ZNF141: variants seen among roughly 807,000 people sequenced by gnomAD.
The protein encoded by ZNF141 is zinc finger protein 141, also known as zinc finger protein 141 (clone pHZ-44).
ZNF141 carries 7 observed loss-of-function variants against 11.3 expected under a neutral mutation model. The observed-to-expected ratio is 0.62, with a 90% CI of 0.35 to 1.16. The LOEUF is 1.16. Among genes scored for constraint, ZNF141 ranks in the 50% most tolerant of loss-of-function variants. ZNF141 has a pLI of 0.02. For synonymous variants in ZNF141, 183 were observed against 190.7 expected, an observed-to-expected ratio of 0.96 and a Z score of 0.33; for missense variants, 535 against 554.0, an observed-to-expected ratio of 0.97 and a Z score of 0.34.
rs537789428 is a variant in ZNF141 at position 370,372 on chromosome 4, A to G, written c.227-2292A>G. 5.3e-5 allele frequency among the ~76,000 whole-genome samples: 8 copies of G among 152,224 alleles called. No individual in the cohort carries two copies. In the South Asian group the frequency reaches 6.2e-4, roughly 12 times the overall value. On this transcript the variant is annotated intron_variant, in intron 3 of 3. Transcript: ENST00000240499. ...TTTTTCTTGCATCCTGTTATTTTCA[A>G]TGGAAGATAGTTCAGCATTTTTTTT...
At chr4:371,871 G>A (rs1404296345) in intron 3 of ZNF141, among the ~76,000 whole-genome samples, 1 of 152,138 alleles carries the variant, frequency 6.6e-6, no homozygotes, top group Non-Finnish European at 1.5e-5. Context: ...TTGTTGGACT[G>A]TGTTGTTCTA....
At chr4:347,853 T>G (rs1259917560) in intron 3 of ZNF141, among the ~76,000 whole-genome samples, 8 of 148,278 alleles carry the variant, frequency 5.4e-5, no homozygotes, top group African/African-American at 1.7e-4. Flanking sequence ...GATATTAACT[T>G]TTTTTTTTTT....
At chr4:351,235 C>G (rs1393018921) in intron 3 of ZNF141, among the ~76,000 whole-genome samples, 16 of 145,848 alleles carry the variant, frequency 1.1e-4, no homozygotes, top group Admixed American at 8.1e-4. Flanking sequence ...GCCAGTTAAA[C>G]CTTTTTTTTT....
rs187869787 is a variant in ZNF141 at position 362,595 on chromosome 4, T to G, written c.227-10069T>G. 6.6e-5 allele frequency among the ~76,000 whole-genome samples: 10 copies of G among 152,378 alleles called. No individual in the cohort carries two copies. The East Asian group carries it at 1.9e-3, about 29-fold the overall frequency. ...GGGATCCAATTTCAGCTTTTACATA[T>G]GGCTAGCCAGTTTTCCCAGCACCAT... On this transcript the variant is annotated intron_variant, in intron 3 of 3. Coordinates refer to ENST00000240499, the MANE Select transcript of ZNF141 (RefSeq NM_003441.4).
At chr4:342,856 G>A in intron 1 of ZNF141, 3 of 1,608,600 alleles carry the variant, frequency 1.9e-6, no homozygotes, top group Middle Eastern at 3.4e-4. Flanking sequence ...CATCCCAACT[G>A]TAGGCTGAGT....
intron 1 of ZNF141, chr4:342,836 T>G: frequency 6.2e-7 from 1 of 1,608,272 alleles, no homozygotes. Flanking sequence ...CCCCGAGGCA[T>G]TTTGAAATTC....
At chr4:338,660 C>A (rs115050279) in intron 1 of ZNF141, 2,502 of 153,014 alleles carry the variant, frequency 0.016, 27 homozygotes, top group Middle Eastern at 0.041. Context: ...GGTGTGGGCC[C>A]CTGGTTTGTA....
chr4:354,485 C>T (rs918856255), intron 3 of ZNF141, among the ~76,000 whole-genome samples: 15 of 152,228 alleles, frequency 9.9e-5, no homozygotes, highest in Admixed American at 4.6e-4. Flanking sequence ...TTTCTTAAAA[C>T]CTTTGATTTA....
At chr4:361,672 C>A (rs1316040358) in intron 3 of ZNF141, among the ~76,000 whole-genome samples, 1 of 152,122 alleles carries the variant, frequency 6.6e-6, no homozygotes, top group African/African-American at 2.4e-5. Flanking sequence ...ATGATGGTTT[C>A]CATCTTCATC....
rs1454341966 is a variant in ZNF141, at chr4:375,274, G to T, written c.*1412G>T. On this transcript the variant is annotated 3_prime_UTR_variant, in exon 4 of 4. Transcript: ENST00000240499. The stretch of plus-strand genomic sequence containing the variant: ...AAACAATACAAATATAAAGAGGGTT[G>T]TAGTACCTGTACTTCTCTCATGGAT... 9 of 152,174 alleles carry T rather than the reference G, an allele frequency of 5.9e-5. No homozygotes were observed. The highest frequency in any genetic ancestry group is 5.9e-4 in the Admixed American group (9 of 15,280). 9.4% of individuals were successfully genotyped at this position (152,174 alleles called of 1,614,324 possible). A position where few individuals can be genotyped will look rare whatever the true frequency, so the allele number is the denominator to read the frequency against.
Position 373,372 on chromosome 4 carries a change from A to C in ZNF141, c.935A>C (p.Lys312Thr). 1.2e-6 allele frequency: 2 copies of C among 1,613,316 alleles called. No homozygotes were observed. Among genetic ancestry groups the C allele is most frequent in the East Asian group, 2.2e-5 (1 of 44,804 alleles). Residue 312 changes from lysine to threonine, a missense_variant, in exon 4 of 4, where the codon AAA becomes ACA. Coordinates refer to ENST00000240499, the MANE Select transcript of ZNF141 (RefSeq NM_003441.4). ...KRIHTGEKPYKCEECGKAFNR... is the reference protein window; with the variant it reads ...KRIHTGEKPYTCEECGKAFNR... Reference sequence around the variant, plus strand: ...ATTCATACTGGAGAGAAACCCTACAAATGTGAAGAATGTGGCAAAGCCTTT... The same window carrying C: ...ATTCATACTGGAGAGAAACCCTACACATGTGAAGAATGTGGCAAAGCCTTT...
chr4:378,538 G>T lies in ZNF141; in HGVS notation c.*4676G>T, dbSNP rs1712471800. 6.6e-6 allele frequency among the ~76,000 whole-genome samples: 1 copy of T among 152,108 alleles called. No homozygotes were observed. Among genetic ancestry groups the T allele is most frequent in the African/African-American group, 2.4e-5 (1 of 41,418 alleles). ...CTGCCTTGGCCTCCTGAAGTACTGG[G>T]ATTACAGGCATGAGCCACCGTGCCT... On this transcript the variant is annotated 3_prime_UTR_variant, in exon 4 of 4. Coordinates refer to ENST00000240499, the MANE Select transcript of ZNF141 (RefSeq NM_003441.4).
In ZNF141 at chr4:372,916, C is replaced by G. The variant is rs1327586018; in HGVS notation, c.479C>G (p.Ser160Ter). ...SVKVVSKFSNSNKRKTRHTGE... is the reference protein window; with the variant it reads ...SVKVVSKFSN ...AAAGTTGTTAGTAAATTTTCAAATT[C>G]AAACAAACGTAAGACAAGACATACT... Residue 160 changes from serine to a stop codon, truncating the protein, a stop_gained, in exon 4 of 4, where the codon TCA becomes TGA. Coordinates refer to ENST00000240499, the MANE Select transcript of ZNF141 (RefSeq NM_003441.4). LOFTEE classifies it low-confidence loss of function (END_TRUNC). 1 of 1,613,646 alleles carries G rather than the reference C, an allele frequency of 6.2e-7. No homozygotes were observed. Among genetic ancestry groups the G allele is most frequent in the Non-Finnish European group, 8.5e-7 (1 of 1,179,846 alleles).
In ZNF141 at chr4:376,967, A is replaced by G. The variant is rs1712400911; in HGVS notation, c.*3105A>G. On this transcript the variant is annotated 3_prime_UTR_variant, in exon 4 of 4. Coordinates refer to ENST00000240499, the MANE Select transcript of ZNF141 (RefSeq NM_003441.4). ...TCTCTTTTTTGTTTTCACTTCATGA[A>G]GTGTTTATTATGTGAGCTGGTCAGA... 6.6e-6 allele frequency among the ~76,000 whole-genome samples: 1 copy of G among 152,084 alleles called. No homozygotes were observed. Among genetic ancestry groups the G allele is most frequent in the Admixed American group, 6.5e-5 (1 of 15,276 alleles).
chr4:363,007 T>G (rs1553852423), intron 3 of ZNF141, among the ~76,000 whole-genome samples: 1 of 152,260 alleles, frequency 6.6e-6, no homozygotes, highest in African/African-American at 2.4e-5. Context: ...TTCCTATCCA[T>G]GAGCATGGAA....
intron 3 of ZNF141, among the ~76,000 whole-genome samples, chr4:357,442 T>C (rs1041671486): frequency 1.3e-5 from 2 of 151,396 alleles, no homozygotes; most frequent in South Asian, 2.1e-4. Flanking sequence ...AAAGAATCTC[T>C]CTTTGTCTTT....
In ZNF141 at chr4:374,320, G is replaced by T. The variant is rs1712252985; in HGVS notation, c.*458G>T. Reference sequence around the variant, plus strand: ...GAACCGTGTGGCAAAGCCTTTAAATGGTCCTCAACCCTTAATGAACGTAAG... The same window carrying T: ...GAACCGTGTGGCAAAGCCTTTAAATTGTCCTCAACCCTTAATGAACGTAAG... On this transcript the variant is annotated 3_prime_UTR_variant, in exon 4 of 4. Coordinates refer to ENST00000240499, the MANE Select transcript of ZNF141 (RefSeq NM_003441.4). 6.5e-6 allele frequency: 2 copies of T among 309,840 alleles called. No individual in the cohort carries two copies. Among genetic ancestry groups the T allele is most frequent in the Admixed American group, 8.0e-5 (2 of 25,048 alleles). 19.2% of individuals were successfully genotyped at this position (309,840 alleles called of 1,614,324 possible). A position where few individuals can be genotyped will look rare whatever the true frequency, so the allele number is the denominator to read the frequency against.
chr4:383,592 C>A lies in ZNF141; in HGVS notation c.*9730C>A, dbSNP rs529095114. ...ACACCAAGGTCTGGGAGCAGGGAACCTAAAGCCAGTTAACGTGAACTTCCT... is the reference window on the plus strand; with the variant it reads ...ACACCAAGGTCTGGGAGCAGGGAACATAAAGCCAGTTAACGTGAACTTCCT... On this transcript the variant is annotated 3_prime_UTR_variant, in exon 4 of 4. Coordinates refer to ENST00000240499, the MANE Select transcript of ZNF141 (RefSeq NM_003441.4). The A allele has an allele frequency of 9.8e-4, 156 of 158,608 alleles. No homozygotes were observed. In the South Asian group the frequency reaches 0.017, roughly 17 times the overall value. The allele number at this position is 158,608 out of a possible 1,614,324, so 9.8% of individuals were successfully genotyped here. A position where few individuals can be genotyped will look rare whatever the true frequency, so the allele number is the denominator to read the frequency against.
chr4:380,418 C>G lies in ZNF141; in HGVS notation c.*6556C>G, dbSNP rs1187899142. Among the ~76,000 whole-genome samples the G allele has an allele frequency of 3.3e-5, 5 of 152,050 alleles. No individual in the cohort carries two copies. Among genetic ancestry groups the G allele is most frequent in the African/African-American group, 4.8e-5 (2 of 41,378 alleles). On this transcript the variant is annotated 3_prime_UTR_variant, in exon 4 of 4. Transcript: ENST00000240499. ...CCTGTAATCCCAGCACTTTGGGCGC[C>G]CAAGGCAGGTGGATCATGAGGTCAG... is the stretch of plus-strand genomic sequence containing the variant.
Sources: gnomAD v4.1 joint callset for allele counts (sites outside exome capture counted in the v4.1 genomes callset) on GRCh38, gnomAD v4.1.1 for gene constraint, MANE v1.5 for transcripts, NCBI Gene and HGNC (gene_info 2026-07-23, HGNC 2026-07-21) for gene names.